The following WNK2 variants were observed in gnomAD, a reference collection of about 807,000 sequenced individuals.
The protein encoded by WNK2 is serine/threonine-protein kinase WNK2.
WNK2 carries 67 observed loss-of-function variants against 192.1 expected under a neutral mutation model. That is an observed-to-expected ratio of 0.35 (90% CI 0.29 to 0.43). WNK2 has a LOEUF of 0.43. WNK2 is among the 20% of genes least tolerant of loss of function. The pLI, the probability that WNK2 is intolerant of heterozygous loss-of-function variation, is 1.00. For missense variants in WNK2, 2,698 were observed against 3,089.7 expected, an observed-to-expected ratio of 0.87 and a Z score of 3.01; for synonymous variants, 1,439 against 1,393.9, an observed-to-expected ratio of 1.03 and a Z score of -0.72.
intron 28 of WNK2, 157 bp downstream of exon 28, chr9:93,308,741 C>T (rs2134276640): frequency 1.4e-6 from 2 of 1,393,662 alleles, no homozygotes; most frequent in African/African-American, 1.5e-5. Context: ...TAGGCTTGTC[C>T]ACTTTACAGA....
chr9:93,185,131 C>G lies in WNK2; in HGVS notation c.202C>G (p.Pro68Ala). The part of the protein sequence containing the change: ...EAAEAPGPQP[P>A]QPLQRRVLLL... ...AGCCGAGGCGCCGGGCCCGCAGCCCCCGCAGCCCCTGCAGCGCCGGGTGCT... is the reference window on the plus strand; with the variant it reads ...AGCCGAGGCGCCGGGCCCGCAGCCCGCGCAGCCCCTGCAGCGCCGGGTGCT... Residue 68 changes from proline (P) to alanine (A), a missense_variant, in exon 2 of 30, where the codon CCG becomes GCG. This residue lies in a region of WNK2 where 260 missense variants were observed against 285.6 expected (regional missense o/e 0.91). Transcript: ENST00000427277. 1 of 1,308,460 alleles carries G rather than the reference C, an allele frequency of 7.6e-7. No homozygotes were observed. Among genetic ancestry groups the G allele is most frequent in the Non-Finnish European group, 9.8e-7 (1 of 1,022,718 alleles). The allele number at this position is 1,308,460 out of a possible 1,614,324, so 81.1% of individuals were successfully genotyped here.
At chr9:93,234,667 TG>T in intron 4 of WNK2, 140 bp from the exon 5 acceptor site, 2 of 999,540 alleles carry the variant, frequency 2.0e-6, no homozygotes, top group Non-Finnish European at 2.9e-6. Flanking sequence ...GGGCTGGCCC[TG>T]GGGTCCAGGT....
chr9:93,222,016 A>T (rs1452102545), intron 2 of WNK2, among the ~76,000 whole-genome samples: 1 of 152,192 alleles, frequency 6.6e-6, no homozygotes, highest in Admixed American at 6.5e-5. Flanking sequence ...CACATTTTAC[A>T]TCCCAACTTA....
intron 2 of WNK2, among the ~76,000 whole-genome samples, chr9:93,200,171 A>T (rs933808202): frequency 1.3e-5 from 2 of 152,054 alleles, no homozygotes; most frequent in Admixed American, 6.5e-5. Context: ...ATTGAGTGGA[A>T]TTATTGGCCC....
chr9:93,288,472 C>A (rs1318547030), intron 19 of WNK2, among the ~76,000 whole-genome samples: 1 of 152,216 alleles, frequency 6.6e-6, no homozygotes, highest in African/African-American at 2.4e-5. Context: ...CAGGCAACAG[C>A]CACAGCTGAT....
At position 93,259,445 on chromosome 9, in the gene WNK2, C is replaced by T; in HGVS notation, c.2897C>T (p.Pro966Leu). The change falls in exon 12 of 30, where the codon CCT becomes CTT. Residue 966 changes from proline to leucine, a missense_variant. Transcript: ENST00000427277. The surrounding 1 kb of genome is among the most constrained non-coding windows in gnomAD (Gnocchi z 4.8). The part of the protein sequence containing the change: ...LPPQPTLPPQ[P>L]VLPPQPTRPP... Reference sequence around the variant, plus strand: ...CCGCAACCCACGCTGCCCCCTCAACCTGTGTTGCCCCCGCAACCCACACGG... The same window carrying T: ...CCGCAACCCACGCTGCCCCCTCAACTTGTGTTGCCCCCGCAACCCACACGG... The T allele has an allele frequency of 6.6e-7, 1 of 1,521,564 alleles. No individual in the cohort carries two copies. The highest frequency in any genetic ancestry group is 8.8e-7 in the Non-Finnish European group (1 of 1,130,166). 94.3% of individuals were successfully genotyped at this position (1,521,564 alleles called of 1,614,324 possible). A position where few individuals can be genotyped will look rare whatever the true frequency, so the allele number is the denominator to read the frequency against.
intron 26 of WNK2, among the ~76,000 whole-genome samples, chr9:93,303,809 A>C (rs145098668): frequency 8.7e-4 from 132 of 152,300 alleles, no homozygotes; most frequent in African/African-American, 3.2e-3. Flanking sequence ...TTCCCAATGC[A>C]TGCTTTGTGG....
At chr9:93,193,042 C>G (rs1335482099) in intron 2 of WNK2, among the ~76,000 whole-genome samples, 1 of 152,230 alleles carries the variant, frequency 6.6e-6, no homozygotes, top group African/African-American at 2.4e-5. Flanking sequence ...CCTGGCCCAG[C>G]AGGGGTTTGG....
Position 93,293,127 on chromosome 9 carries a change from C to A in WNK2, c.5662C>A (p.Leu1888Ile). The change falls in exon 23 of 30, where the codon CTC (leucine) becomes ATC (isoleucine). Residue 1888 changes from leucine to isoleucine, a missense_variant. Transcript: ENST00000427277. ...CATCAGCAGCGACAATGATTCGGAG[C>A]TCGAGGATGCTGACATAAAGAAGGA... ...SYISSDNDSE[L>I]EDADIKKELQ... is the part of the protein sequence containing the mutation. The A allele has an allele frequency of 6.3e-7, 1 of 1,575,124 alleles. No homozygotes were observed. The highest frequency in any genetic ancestry group is 8.6e-7 in the Non-Finnish European group (1 of 1,163,556).
chr9:93,261,639 T>G (rs1261205070), intron 12 of WNK2, among the ~76,000 whole-genome samples, 175 bp from the exon 13 acceptor site: 2 of 152,330 alleles, frequency 1.3e-5, no homozygotes, highest in Non-Finnish European at 1.5e-5. Context: ...CCTGTTTGTT[T>G]CTGCTCACTC....
intron 2 of WNK2, among the ~76,000 whole-genome samples, chr9:93,228,326 G>C (rs868526198): frequency 2.6e-5 from 4 of 152,298 alleles, no homozygotes; most frequent in Middle Eastern, 3.4e-3. Flanking sequence ...TCTCCTCTCT[G>C]CTTTGGAGTC....
rs759495885 is a variant in WNK2 at position 93,185,380 on chromosome 9, G to C, written c.451G>C (p.Val151Leu). Reference sequence around the variant, plus strand: ...CCCCAGGGAGGAGGCGGCGGCGACCGTGAGGAAGGAGGATGAGGGGGCGGC... The same window carrying C: ...CCCCAGGGAGGAGGCGGCGGCGACCCTGAGGAAGGAGGATGAGGGGGCGGC... ...GGPREEAAAT[V>L]RKEDEGAAEA... Residue 151 changes from valine to leucine, a missense_variant, in exon 2 of 30, where the codon GTG becomes CTG. Val to Leu is a conservative substitution (Grantham distance 32). This residue lies in a region of WNK2 where 260 missense variants were observed against 285.6 expected (regional missense o/e 0.91). Transcript: ENST00000427277. 5.7e-6 allele frequency: 9 copies of C among 1,591,192 alleles called. No homozygotes were observed. The Admixed American group carries it at 1.1e-4, about 19-fold the overall frequency.
chr9:93,185,524 A>G lies in WNK2; in HGVS notation c.595A>G (p.Ile199Val). The change falls in exon 2 of 30, where the codon ATC becomes GTC. Residue 199 changes from isoleucine to valine, a missense_variant. By Grantham distance (29) the Ile-to-Val change is conservative (BLOSUM62 3). Coordinates refer to ENST00000427277, the MANE Select transcript of WNK2 (RefSeq NM_006648.4). ...SLDGRFLKFD[I>V]ELGRGSFKTV... ...GGACGGCCGCTTCCTCAAGTTCGAC[A>G]TCGAGCTGGGCCGCGGTTCCTTCAA... is the stretch of plus-strand genomic sequence containing the variant. 6.2e-7 allele frequency: 1 copy of G among 1,613,030 alleles called. No individual in the cohort carries two copies. Among genetic ancestry groups the G allele is most frequent in the Non-Finnish European group, 8.5e-7 (1 of 1,179,742 alleles).
chr9:93,193,599 GA>G (rs1830724020), intron 2 of WNK2, among the ~76,000 whole-genome samples: 1 of 152,196 alleles, frequency 6.6e-6, no homozygotes, highest in East Asian at 1.9e-4. Context: ...TGGGATTTTT[GA>G]AAAGCAAGCT....
intron 21 of WNK2, 98 bp downstream of exon 21, chr9:93,290,145 G>A: frequency 9.1e-7 from 1 of 1,094,800 alleles, no homozygotes; most frequent in Non-Finnish European, 1.3e-6. Context: ...CATCTGTTAA[G>A]GCATAAAAGC....
At chr9:93,190,943 A>C (rs1190343100) in intron 2 of WNK2, among the ~76,000 whole-genome samples, 1 of 152,204 alleles carries the variant, frequency 6.6e-6, no homozygotes, top group African/African-American at 2.4e-5. Flanking sequence ...TCTATAGACC[A>C]TCTTACAGCA....
At chr9:93,256,921 A>G (rs1356855104) in intron 10 of WNK2, 27 bp from the exon 11 acceptor site, 2 of 1,533,700 alleles carry the variant, frequency 1.3e-6, no homozygotes, top group Non-Finnish European at 1.7e-6. Context: ...TTGGTGGTCT[A>G]AGGGGAGCTA....
chr9:93,238,972 G>A (rs1346797169), intron 6 of WNK2, among the ~76,000 whole-genome samples: 3 of 152,286 alleles, frequency 2.0e-5, no homozygotes, highest in Non-Finnish European at 2.9e-5. Context: ...GATGGATTGT[G>A]GATACTCGAA....
At chr9:93,318,291 T>TAAA in intron 29 of WNK2, 7 of 1,518,136 alleles carry the variant, frequency 4.6e-6, no homozygotes, top group Non-Finnish European at 6.2e-6. Context: ...TGGTTTTCTG[T>TAAA]TGTAAATGCC....
Sources: gnomAD v4.1 joint callset for allele counts (sites outside exome capture counted in the v4.1 genomes callset) on GRCh38, gnomAD v4.1.1 for gene constraint, gnomAD v4.1.1 regional missense constraint, Gnocchi (gnomAD v3.1) non-coding constraint, MANE v1.5 for transcripts, NCBI Gene and HGNC (gene_info 2026-07-23, HGNC 2026-07-21) for gene names.